WIPF2: variants seen among roughly 807,000 people sequenced by gnomAD.
The protein encoded by WIPF2 is WAS/WASL-interacting protein family member 2.
In WIPF2, 23 loss-of-function variants were observed where a neutral mutation model predicts 38.8. That is an observed-to-expected ratio of 0.59 (90% CI 0.43 to 0.84). WIPF2 has a LOEUF of 0.84. Among genes scored for constraint, WIPF2 ranks in the 40% least tolerant of loss-of-function variants. The pLI, the probability that WIPF2 is intolerant of heterozygous loss-of-function variation, is 0.00. For missense variants in WIPF2, 574 were observed against 580.5 expected (o/e 0.99, Z 0.11); for synonymous variants, 210 against 223.2 (o/e 0.94, Z 0.53).
chr17:40,234,432 AAAAC>A (rs530530046), intron 1 of WIPF2, among the ~76,000 whole-genome samples: 42 of 151,596 alleles, frequency 2.8e-4, no homozygotes, highest in South Asian at 1.0e-3. Context: ...ACTCTGTCTC[AAAAC>A]AAACAAACAA....
Position 40,274,557 on chromosome 17 carries a change from GAAAAAAAAAAAAAAAAAAA to G in WIPF2, c.1180+571_1180+589del, listed in dbSNP as rs571085371. Reference sequence around the variant, plus strand: ...CATCCAGCCTTTCCTTGGAATTCTTGAAAAAAAAAAAAAAAAAAAAAAAAAAAAAAAGAAAAGTCCCATG... The same window carrying G: ...CATCCAGCCTTTCCTTGGAATTCTTGAAAAAAAAAAAAGAAAAGTCCCATG... On this transcript the variant is annotated intron_variant, in intron 6 of 7. Transcript: ENST00000323571. Among the ~76,000 whole-genome samples the G allele has an allele frequency of 6.5e-3, 162 of 24,788 alleles. 4 individuals carry two copies. The South Asian group carries it at 0.16, about 25-fold the overall frequency. The allele number at this position is 24,788 out of a possible 152,430, so 16.3% of individuals were successfully genotyped here. A position where few individuals can be genotyped will look rare whatever the true frequency, so the allele number is the denominator to read the frequency against.
At chr17:40,236,661 T>A (rs2030983594) in intron 1 of WIPF2, among the ~76,000 whole-genome samples, 1 of 149,220 alleles carries the variant, frequency 6.7e-6, no homozygotes, top group Non-Finnish European at 1.5e-5. Context: ...CAGGCAGGAG[T>A]GCACTGGTGC....
At chr17:40,272,682 G>A (rs2032284318) in intron 5 of WIPF2, among the ~76,000 whole-genome samples, 1 of 152,100 alleles carries the variant, frequency 6.6e-6, no homozygotes, top group African/African-American at 2.4e-5. Context: ...GTAAGGGAAG[G>A]GGGGATATCA....
In WIPF2 at chr17:40,260,026, C is replaced by T. The variant is rs139284031; in HGVS notation, c.64-509C>T. Among the ~76,000 whole-genome samples, 4 of 152,050 alleles carry T rather than the reference C, an allele frequency of 2.6e-5. No individual in the cohort carries two copies. In the East Asian group the frequency reaches 7.7e-4, roughly 29 times the overall value. On this transcript the variant is annotated intron_variant, in intron 2 of 7. Coordinates refer to ENST00000323571, the MANE Select transcript of WIPF2 (RefSeq NM_133264.5). ...TTCTGAATAAGAAGGAAATGGAGTT[C>T]CTTCACAGAAGATAGAACAGGAGGG...
At position 40,250,219 on chromosome 17, in the gene WIPF2, G is replaced by GTTT. The variant is rs1170849046; in HGVS notation, c.-69-6146_-69-6144dup. Among the ~76,000 whole-genome samples the GTTT allele has an allele frequency of 4.4e-3, 278 of 62,536 alleles. 83 individuals are homozygous for GTTT. Among genetic ancestry groups the GTTT allele is most frequent in the African/African-American group, 9.0e-3 (142 of 15,728 alleles). 41.0% of individuals were successfully genotyped at this position (62,536 alleles called of 152,430 possible). A position where few individuals can be genotyped will look rare whatever the true frequency, so the allele number is the denominator to read the frequency against. ...GGATGTGCAAAGCGAATTTTATCAT[G>GTTT]TTTTTTTTTTTTTTTTTTTTTTTTT... On this transcript the variant is annotated intron_variant, in intron 1 of 7. Transcript: ENST00000323571.
At position 40,260,578 on chromosome 17, in the gene WIPF2, G is replaced by C; in HGVS notation, c.107G>C (p.Gly36Ala). The C allele has an allele frequency of 6.2e-7, 1 of 1,613,926 alleles. No homozygotes were observed. The highest frequency in any genetic ancestry group is 2.2e-5 in the East Asian group (1 of 44,850). Residue 36 changes from glycine to alanine, a missense_variant, in exon 3 of 8, where the codon GGT becomes GCT. Transcript: ENST00000323571. The part of the protein sequence containing the change: ...QPKLSRDEQR[G>A]RGALLQDICK... ...AAGCTGAGTAGAGATGAGCAGCGGG[G>C]TCGAGGCGCCCTCTTACAGGACATT... is the stretch of plus-strand genomic sequence containing the variant.
Position 40,282,070 on chromosome 17 carries a change from A to G in WIPF2, c.*3845A>G, listed in dbSNP as rs1449612021. 1 of 150,858 alleles carries G rather than the reference A, an allele frequency of 6.6e-6. No homozygotes were observed. Among genetic ancestry groups the G allele is most frequent in the African/African-American group, 2.5e-5 (1 of 40,706 alleles). The allele number at this position is 150,858 out of a possible 1,614,324, so 9.3% of individuals were successfully genotyped here. On this transcript the variant is annotated 3_prime_UTR_variant, in exon 8 of 8. Coordinates refer to ENST00000323571, the MANE Select transcript of WIPF2 (RefSeq NM_133264.5). ...TGCCTTCAAGACTCATCTCTTAAAA[A>G]CAAAACGAAACAAAACTACAACCAC...
rs752876006 is a variant in WIPF2, at chr17:40,232,179, ATTTTT to A, written c.-70+12711_-70+12715del. The stretch of plus-strand genomic sequence containing the variant: ...AGGCACATGCCACCATGCCTGGCTA[ATTTTT>A]TTTTTTTTTTTTTTTTTTTTTTTGA... On this transcript the variant is annotated intron_variant, in intron 1 of 7. Coordinates refer to ENST00000323571, the MANE Select transcript of WIPF2 (RefSeq NM_133264.5). 1.2e-4 allele frequency among the ~76,000 whole-genome samples: 9 copies of A among 76,050 alleles called. No homozygotes were observed. The East Asian group carries it at 1.4e-3, about 12-fold the overall frequency. The allele number at this position is 76,050 out of a possible 152,430, so 49.9% of individuals were successfully genotyped here.
chr17:40,273,837 C>T lies in WIPF2; in HGVS notation c.1018C>T (p.Pro340Ser), dbSNP rs1410272407. The T allele has an allele frequency of 6.3e-7, 1 of 1,590,136 alleles. No individual in the cohort carries two copies. Among genetic ancestry groups the T allele is most frequent in the Non-Finnish European group, 8.6e-7 (1 of 1,161,268 alleles). Residue 340 changes from proline to serine, a missense_variant, in exon 6 of 8, where the codon CCC becomes TCC. Coordinates refer to ENST00000323571, the MANE Select transcript of WIPF2 (RefSeq NM_133264.5). ...GATCCGAAATGGTGCCAGGGATGCT[C>T]CCCCTCCCCCACCACCATACCGAAT... ...PVIRNGARDA[P>S]PPPPPYRMHG...
intron 1 of WIPF2, among the ~76,000 whole-genome samples, chr17:40,248,159 A>ATTTT (rs1555561662): frequency 3.0e-5 from 1 of 33,416 alleles, no homozygotes; most frequent in Non-Finnish European, 6.5e-5. Flanking sequence ...TTTAAAAGTT[A>ATTTT]TTTCTTTTTT....
chr17:40,258,547 C>T (rs933302924), intron 2 of WIPF2, among the ~76,000 whole-genome samples: 4 of 151,834 alleles, frequency 2.6e-5, no homozygotes, highest in Non-Finnish European at 5.9e-5. Context: ...GCCGAGATCG[C>T]GCCACTGCAC....
intron 1 of WIPF2, among the ~76,000 whole-genome samples, chr17:40,254,920 G>A (rs936528288): frequency 3.3e-5 from 5 of 151,960 alleles, no homozygotes; most frequent in African/African-American, 1.2e-4. Context: ...CAGTAGACAT[G>A]GGGTTTCACA....
intron 1 of WIPF2, among the ~76,000 whole-genome samples, chr17:40,254,950 G>A (rs1460242225): frequency 6.6e-6 from 1 of 151,938 alleles, no homozygotes; most frequent in Non-Finnish European, 1.5e-5. Flanking sequence ...GGCTGGTCTC[G>A]AACTCCTGAC....
At chr17:40,253,163 C>T (rs948820613) in intron 1 of WIPF2, among the ~76,000 whole-genome samples, 4 of 150,124 alleles carry the variant, frequency 2.7e-5, no homozygotes, top group Admixed American at 1.3e-4. Flanking sequence ...CCCAGGTTCA[C>T]GCCATTCTCC....
intron 1 of WIPF2, among the ~76,000 whole-genome samples, chr17:40,236,800 G>A (rs749337063): frequency 6.7e-6 from 1 of 149,974 alleles, no homozygotes; most frequent in Non-Finnish European, 1.5e-5. Context: ...GTAGAGACGG[G>A]GTTTTACCAT....
chr17:40,257,722 G>A (rs1233462929), intron 2 of WIPF2, among the ~76,000 whole-genome samples: 4 of 137,102 alleles, frequency 2.9e-5, no homozygotes, highest in African/African-American at 1.2e-4. Flanking sequence ...CAGCCTGGGC[G>A]ACAGAGCGAG....
Position 40,256,401 on chromosome 17 carries a change from G to C in WIPF2, c.-59G>C. ...CTTTTTCATTTGCAGGTATATGAAT[G>C]ACCTAAAGGTACAAATAAAGACGGA... is the stretch of plus-strand genomic sequence containing the variant. On this transcript the variant is annotated 5_prime_UTR_variant, in exon 2 of 8. It removes an upstream start codon present in the reference 5' UTR. Coordinates refer to ENST00000323571, the MANE Select transcript of WIPF2 (RefSeq NM_133264.5). The C allele has an allele frequency of 6.3e-7, 1 of 1,575,284 alleles. No individual in the cohort carries two copies. The highest frequency in any genetic ancestry group is 8.6e-7 in the Non-Finnish European group (1 of 1,168,130).
chr17:40,222,714 A>C (rs1276728748), intron 1 of WIPF2, among the ~76,000 whole-genome samples: 2 of 110,654 alleles, frequency 1.8e-5, no homozygotes, highest in Non-Finnish European at 3.3e-5. Context: ...CCTGCTGCCC[A>C]GGCTGGAGTG....
intron 1 of WIPF2, among the ~76,000 whole-genome samples, chr17:40,252,225 G>C (rs932446093): frequency 1.3e-5 from 2 of 152,160 alleles, no homozygotes; most frequent in African/African-American, 4.8e-5. Context: ...CAGGCATAAG[G>C]CTGTTCCTTT....
Sources: allele counts gnomAD v4.1 joint callset (sites outside exome capture counted in the v4.1 genomes callset), GRCh38; gene constraint gnomAD v4.1.1; transcripts MANE v1.5; gene names NCBI Gene and HGNC (gene_info 2026-07-23, HGNC 2026-07-21).